Variants in GET4 observed in about 807,000 individuals in gnomAD.
The protein encoded by GET4 is Golgi to ER traffic protein 4 homolog.
A neutral mutation model predicts 40.0 loss-of-function variants in GET4; 20 were observed. The ratio of observed to expected loss-of-function variants is 0.50; its 90% CI spans 0.35 to 0.73. The LOEUF (loss-of-function observed/expected upper bound fraction) is 0.73, where lower values mean the gene tolerates loss of function less well. Among genes scored for constraint, GET4 ranks in the 30% least tolerant of loss-of-function variants. The probability of loss-of-function intolerance (pLI) is 0.01; values close to 1 mark genes in which losing one functional copy is unlikely to be tolerated. For missense variants in GET4, 557 were observed against 454.0 expected, an observed-to-expected ratio of 1.23 and a Z score of -2.06; for synonymous variants, 280 against 194.6, an observed-to-expected ratio of 1.44 and a Z score of -3.65.
At chr7:894,001 T>C in intron 8 of GET4, 30 bp downstream of exon 8, 1 of 1,490,640 alleles carries the variant, frequency 6.7e-7, no homozygotes, top group East Asian at 2.3e-5. Context: ...TCACACCCAC[T>C]CCAGCCCTGG....
At chr7:884,689 C>T (rs977017767) in intron 1 of GET4, 5 of 174,642 alleles carry the variant, frequency 2.9e-5, no homozygotes, top group South Asian at 1.1e-4. Context: ...CAACCCTTTG[C>T]GTTCTCGGCT....
intron 8 of GET4, among the ~76,000 whole-genome samples, chr7:894,494 A>G (rs1844425339): frequency 6.6e-6 from 1 of 151,912 alleles, no homozygotes; most frequent in African/African-American, 2.4e-5. Context: ...ACCTCTCCCC[A>G]CAGATGTCTG....
At chr7:877,352 C>T (rs1843981080) in intron 1 of GET4, among the ~76,000 whole-genome samples, 1 of 123,984 alleles carries the variant, frequency 8.1e-6, no homozygotes, top group African/African-American at 3.1e-5. Flanking sequence ...TCTCTCTCGC[C>T]GTCCTCCCCC....
At chr7:885,440 G>C (rs750202716) in intron 1 of GET4, 1 of 153,040 alleles carries the variant, frequency 6.5e-6, no homozygotes, top group Non-Finnish European at 1.5e-5. Flanking sequence ...CTCTGTCCCC[G>C]TGCGGCCTGA....
chr7:893,371 C>CGTG (rs544002245), intron 6 of GET4, among the ~76,000 whole-genome samples: 18 of 36,452 alleles, frequency 4.9e-4, no homozygotes, highest in African/African-American at 1.5e-3. Flanking sequence ...TGGGTGTGGG[C>CGTG]GTGGTGTGTG....
chr7:894,330 C>T (rs543016663), intron 8 of GET4, among the ~76,000 whole-genome samples: 1 of 152,308 alleles, frequency 6.6e-6, no homozygotes, highest in Admixed American at 6.5e-5. Flanking sequence ...CGTGCTGGGG[C>T]AGGCAGTGCT....
intron 1 of GET4, among the ~76,000 whole-genome samples, chr7:879,239 T>A (rs1046648008): frequency 3.3e-5 from 5 of 152,254 alleles, no homozygotes; most frequent in Admixed American, 6.5e-5. Context: ...AACCTGTGCC[T>A]GCGCCCCGCT....
At chr7:886,957 T>G (rs900525678) in intron 3 of GET4, 10 of 520,806 alleles carry the variant, frequency 1.9e-5, no homozygotes, top group Non-Finnish European at 3.2e-5. Context: ...GGGCACCACT[T>G]TGGCTTGTCG....
intron 1 of GET4, chr7:881,521 C>G (rs1174168119): frequency 2.0e-5 from 3 of 152,244 alleles, no homozygotes; most frequent in Non-Finnish European, 2.9e-5. Flanking sequence ...CCTTTTATCG[C>G]TGAGTGGTTT....
intron 6 of GET4, among the ~76,000 whole-genome samples, chr7:892,936 CGTG>C (rs1388778084): frequency 6.7e-6 from 1 of 148,604 alleles, no homozygotes; most frequent in Non-Finnish European, 1.5e-5. Context: ...TGGGTATAGA[CGTG>C]GCATGGGTTG....
At chr7:891,572 C>G (rs1325657844) in intron 5 of GET4, among the ~76,000 whole-genome samples, 2 of 152,210 alleles carry the variant, frequency 1.3e-5, no homozygotes, top group East Asian at 3.8e-4. Flanking sequence ...AGGCCAGGCT[C>G]CGGGCGCTGC....
chr7:886,943 G>A (rs1040394799), intron 3 of GET4: 2 of 529,456 alleles, frequency 3.8e-6, no homozygotes, highest in Admixed American at 3.1e-5. Flanking sequence ...CAGCTGGCAA[G>A]GTGGGGCACC....
At chr7:886,390 A>T in intron 2 of GET4, 179 bp from the exon 3 acceptor site, 1 of 620,496 alleles carries the variant, frequency 1.6e-6, no homozygotes, top group East Asian at 2.7e-5. Flanking sequence ...GTCCATTTTC[A>T]TGTGATTCTC....
At chr7:884,149 A>G (rs1276754251) in intron 1 of GET4, 11 of 1,278,876 alleles carry the variant, frequency 8.6e-6, no homozygotes, top group Non-Finnish European at 1.1e-5. Flanking sequence ...AGCATCCAGA[A>G]CGCTGTAGTA....
rs1251232749 is a variant in GET4, at chr7:895,372, G to A, written c.934G>A (p.Glu312Lys). 1.9e-6 allele frequency: 3 copies of A among 1,600,968 alleles called. No homozygotes were observed. Among genetic ancestry groups the A allele is most frequent in the Non-Finnish European group, 2.6e-6 (3 of 1,169,518 alleles). Residue 312 changes from glutamate (E) to lysine (K), a missense_variant, in exon 9 of 9, where the codon GAG becomes AAG. Transcript: ENST00000265857. Reference protein sequence around the residue: ...LTSLMGSSEQEDGEESPSDGS... With the variant: ...LTSLMGSSEQKDGEESPSDGS... ...CAGCCTCATGGGCTCCTCAGAGCAG[G>A]AGGATGGGGAGGAGAGCCCCAGCGA... is the stretch of plus-strand genomic sequence containing the variant.
chr7:889,723 G>A lies in GET4; in HGVS notation c.467-1205G>A, dbSNP rs1312635492. 1.5e-3 allele frequency among the ~76,000 whole-genome samples: 199 copies of A among 134,184 alleles called. 1 individual carries two copies. The highest frequency in any genetic ancestry group is 4.9e-3 in the African/African-American group (181 of 36,618). The allele number at this position is 134,184 out of a possible 152,430, so 88.0% of individuals were successfully genotyped here. On this transcript the variant is annotated intron_variant, in intron 4 of 8. Transcript: ENST00000265857. ...ACGGGCCTGGGAGCGGAGGGAGTGC[G>A]AGCGGGTGTTAGGACGGGGTCTGGG...
chr7:893,671 G>A (rs900453513), intron 6 of GET4, 69 bp from the exon 7 acceptor site: 101 of 1,015,082 alleles, frequency 9.9e-5, no homozygotes, highest in East Asian at 3.2e-4. Flanking sequence ...GCGCAGGCGC[G>A]GTGGTTTGTG....
At chr7:883,884 G>T in intron 1 of GET4, 1 of 1,024,528 alleles carries the variant, frequency 9.8e-7, no homozygotes, top group Non-Finnish European at 1.2e-6. Context: ...GGAAACGGGT[G>T]CCCCCAGCCA....
rs60910431 is a variant in GET4 at position 893,510 on chromosome 7, T to TTTG, written c.747-229_747-228insTGT. Among the ~76,000 whole-genome samples the TTTG allele has an allele frequency of 1.0e-4, 10 of 99,838 alleles. 1 individual carries two copies. The highest frequency in any genetic ancestry group is 1.9e-4 in the Non-Finnish European group (9 of 46,206). 65.5% of individuals were successfully genotyped at this position (99,838 alleles called of 152,430 possible). On this transcript the variant is annotated intron_variant, in intron 6 of 8. Coordinates refer to ENST00000265857, the MANE Select transcript of GET4 (RefSeq NM_015949.3). Reference sequence around the variant, plus strand: ...TGAGTGTTGGGTGCGGGCATGGTGGTTGCAGGTGAGTGTTGGGTGTAGGCG... The same window carrying TTTG: ...TGAGTGTTGGGTGCGGGCATGGTGGTTTGTGCAGGTGAGTGTTGGGTGTAGGCG...
Sources: allele counts gnomAD v4.1 joint callset (sites outside exome capture counted in the v4.1 genomes callset), GRCh38; gene constraint gnomAD v4.1.1; transcripts MANE v1.5; gene names NCBI Gene and HGNC (gene_info 2026-07-23, HGNC 2026-07-21).